SYNE2: variants seen among roughly 807,000 people sequenced by gnomAD.
SYNE2 encodes nesprin-2.
SYNE2 carries 431 observed loss-of-function variants against 856.3 expected under a neutral mutation model. The ratio of observed to expected loss-of-function variants is 0.50; its 90% confidence interval spans 0.47 to 0.55. SYNE2 has a LOEUF of 0.55. Among genes scored for constraint, SYNE2 ranks in the 20% least tolerant of loss-of-function variants. The pLI, the probability that SYNE2 is intolerant of heterozygous loss-of-function variation, is 0.00. For missense variants in SYNE2, 8,129 were observed against 8,023.2 expected (o/e 1.01, Z -0.50); for synonymous variants, 2,923 against 2,872.3 (o/e 1.02, Z -0.56).
At chr14:64,158,911 T>C in intron 86 of SYNE2, 116 bp downstream of exon 86, 1 of 1,120,942 alleles carries the variant, frequency 8.9e-7, no homozygotes. Flanking sequence ...ACAAAGCATG[T>C]TAAATAGCAG....
At chr14:64,008,756 G>A (rs1008400440) in intron 31 of SYNE2, among the ~76,000 whole-genome samples, 11 of 152,070 alleles carry the variant, frequency 7.2e-5, no homozygotes, top group African/African-American at 7.2e-5. Context: ...GGGTATTAGA[G>A]GGGAAGAAGA....
intron 1 of SYNE2, among the ~76,000 whole-genome samples, chr14:63,902,703 T>G (rs796841625): frequency 6.6e-6 from 1 of 151,942 alleles, no homozygotes; most frequent in East Asian, 1.9e-4. Context: ...TTTTTTTCTT[T>G]TTTTTTTGGA....
chr14:63,995,992 A>G (rs1179593419), intron 23 of SYNE2, among the ~76,000 whole-genome samples: 3 of 151,930 alleles, frequency 2.0e-5, no homozygotes, highest in Admixed American at 6.6e-5. Context: ...TAGTGCGTCA[A>G]TTTTTCTCTC....
chr14:63,831,284 T>G (rs938154680), intron 1 of SYNE2, among the ~76,000 whole-genome samples: 1 of 152,168 alleles, frequency 6.6e-6, no homozygotes, highest in African/African-American at 2.4e-5. Flanking sequence ...TCTTCACATA[T>G]GAAGTGACAC....
At chr14:64,210,786 A>G (rs2098636514) in intron 103 of SYNE2, among the ~76,000 whole-genome samples, 1 of 152,146 alleles carries the variant, frequency 6.6e-6, no homozygotes, top group African/African-American at 2.4e-5. Context: ...AGCATGGTTG[A>G]ACCCATTCTA....
intron 1 of SYNE2, among the ~76,000 whole-genome samples, chr14:63,903,960 C>T (rs1272279149): frequency 1.3e-5 from 2 of 152,018 alleles, no homozygotes; most frequent in Non-Finnish European, 2.9e-5. Flanking sequence ...TTTTTCAACC[C>T]ATGCTCCCTT....
intron 87 of SYNE2, among the ~76,000 whole-genome samples, chr14:64,160,027 T>C (rs943334310): frequency 3.3e-5 from 5 of 152,228 alleles, no homozygotes; most frequent in Non-Finnish European, 5.9e-5. Context: ...TGAAGAGTTA[T>C]GCTATCTTAA....
At position 64,037,101 on chromosome 14, in the gene SYNE2, G is replaced by A. The variant is rs568771112; in HGVS notation, c.7221+5744G>A. Among the ~76,000 whole-genome samples the A allele has an allele frequency of 2.0e-5, 3 of 151,964 alleles. No individual in the cohort carries two copies. In the South Asian group the frequency reaches 6.3e-4, roughly 32 times the overall value. On this transcript the variant is annotated intron_variant, in intron 45 of 115. Transcript: ENST00000555002. ...GTTAACAGAGCTCAGGGCTGGGTGT[G>A]GGGAGCATTTTTGACAGAAATACTG...
intron 33 of SYNE2, among the ~76,000 whole-genome samples, chr14:64,017,101 G>A (rs560059264): frequency 1.2e-4 from 18 of 152,062 alleles, no homozygotes; most frequent in African/African-American, 4.1e-4. Flanking sequence ...AGGCTGAGAC[G>A]GGTGAATCAC....
intron 77 of SYNE2, among the ~76,000 whole-genome samples, chr14:64,133,587 A>T (rs1339168348): frequency 6.6e-6 from 1 of 152,164 alleles, no homozygotes; most frequent in Non-Finnish European, 1.5e-5. Flanking sequence ...CCTCAAAGAC[A>T]CCTTGAGCAG....
At chr14:64,204,376 A>G (rs143722253) in intron 100 of SYNE2, 37 of 152,342 alleles carry the variant, frequency 2.4e-4, no homozygotes, top group Non-Finnish European at 5.0e-4. Flanking sequence ...GCAAATAACA[A>G]TTTACCCTGA....
At chr14:63,894,944 A>G (rs554378451) in intron 1 of SYNE2, among the ~76,000 whole-genome samples, 11 of 152,260 alleles carry the variant, frequency 7.2e-5, no homozygotes, top group Middle Eastern at 3.4e-3. Context: ...GTAGGTCACA[A>G]AGTCATTCCT....
At position 64,158,937 on chromosome 14, in the gene SYNE2, T is replaced by G. The variant is rs1483785007; in HGVS notation, c.15963+142T>G. 3 of 945,924 alleles carry G rather than the reference T, an allele frequency of 3.2e-6. No individual in the cohort carries two copies. The African/African-American group carries it at 4.9e-5, about 15-fold the overall frequency. 58.6% of individuals were successfully genotyped at this position (945,924 alleles called of 1,614,324 possible). On this transcript the variant is annotated intron_variant, in intron 86 of 115. Coordinates refer to ENST00000555002, the MANE Select transcript of SYNE2 (RefSeq NM_182914.3). ...TAAATAGCAGTTTCAAAAGAATAAC[T>G]GGAAATTCCAAAATAAGTCACATGA...
intron 1 of SYNE2, among the ~76,000 whole-genome samples, chr14:63,838,242 T>C (rs550786105): frequency 6.6e-6 from 1 of 151,818 alleles, no homozygotes; most frequent in Non-Finnish European, 1.5e-5. Flanking sequence ...GGTGGCATGC[T>C]CCTGTAGTCC....
At chr14:64,110,598 C>T (rs1235653224) in intron 65 of SYNE2, among the ~76,000 whole-genome samples, 1 of 143,566 alleles carries the variant, frequency 7.0e-6, no homozygotes. Context: ...ACCCCCCCCC[C>T]CCCGCCAAAG....
chr14:64,065,574 G>C lies in SYNE2; in HGVS notation c.10355G>C (p.Ser3452Thr). 1 of 1,614,208 alleles carries C rather than the reference G, an allele frequency of 6.2e-7. No individual in the cohort carries two copies. The highest frequency in any genetic ancestry group is 8.5e-7 in the Non-Finnish European group (1 of 1,180,044). ...TCGGCTCTGTGGGAGAAATGGCTGAGTTTGCTGGAAGCTGCTAAAGAGTGG... is the reference window on the plus strand; with the variant it reads ...TCGGCTCTGTGGGAGAAATGGCTGACTTTGCTGGAAGCTGCTAAAGAGTGG... ...IVSALWEKWL[S>T]LLEAAKEWEM... The change falls in exon 51 of 116, where the codon AGT becomes ACT. Residue 3452 changes from serine to threonine, a missense_variant. Physicochemically the swap from Ser to Thr is moderately conservative, Grantham distance 58 (BLOSUM62 1). Around this residue, in one of 3 missense-constraint regions of SYNE2, gnomAD observed 5,410 missense variants for 5,284.8 expected, o/e 1.02. Coordinates refer to ENST00000555002, the MANE Select transcript of SYNE2 (RefSeq NM_182914.3).
At chr14:63,887,096 CGT>C (rs1566713938) in intron 1 of SYNE2, among the ~76,000 whole-genome samples, 1 of 152,064 alleles carries the variant, frequency 6.6e-6, no homozygotes, top group Non-Finnish European at 1.5e-5. Context: ...TCCTGGTCAA[CGT>C]GGTGAAACCC....
intron 51 of SYNE2, among the ~76,000 whole-genome samples, chr14:64,070,014 G>A (rs956658944): frequency 1.3e-5 from 2 of 152,196 alleles, no homozygotes; most frequent in African/African-American, 4.8e-5. Flanking sequence ...ACCTGATTCA[G>A]GGGCCTTTGA....
chr14:64,036,692 AT>A (rs869246851), intron 45 of SYNE2, among the ~76,000 whole-genome samples: 3 of 151,870 alleles, frequency 2.0e-5, no homozygotes, highest in South Asian at 2.1e-4. Context: ...ATTAAAAAAA[AT>A]TTTTTTTTAA....
Sources: allele counts gnomAD v4.1 joint callset (sites outside exome capture counted in the v4.1 genomes callset), GRCh38; gene constraint gnomAD v4.1.1; regional missense constraint gnomAD v4.1.1; transcripts MANE v1.5; gene names NCBI Gene and HGNC (gene_info 2026-07-23, HGNC 2026-07-21).